FAM184B: variants seen among roughly 807,000 people sequenced by gnomAD.
FAM184B encodes protein FAM184B.
Under a neutral mutation model 135.9 loss-of-function variants are expected in FAM184B, and 111 were observed. That is an observed-to-expected ratio of 0.82 (90% confidence interval 0.70 to 0.96). The LOEUF is 0.96. Among genes scored for constraint, FAM184B ranks in the 40% least tolerant of loss-of-function variants. The probability of loss-of-function intolerance (pLI) is 0.00; values close to 1 mark genes in which losing one functional copy is unlikely to be tolerated. For synonymous variants in FAM184B, 552 were observed against 524.8 expected (o/e 1.05, Z -0.71); for missense variants, 1,375 against 1,323.9 (o/e 1.04, Z -0.60).
chr4:17,763,667 A>G (rs1203877054), intron 1 of FAM184B, among the ~76,000 whole-genome samples: 1 of 152,122 alleles, frequency 6.6e-6, no homozygotes, highest in African/African-American at 2.4e-5. Context: ...CATTTTTTCC[A>G]GCCCACAGCC....
intron 14 of FAM184B, among the ~76,000 whole-genome samples, chr4:17,637,393 T>C (rs1225515404): frequency 6.6e-6 from 1 of 152,074 alleles, no homozygotes; most frequent in African/African-American, 2.4e-5. Context: ...GGGCTGGGGG[T>C]GCAGATAATC....
At chr4:17,757,484 A>G (rs1718448473) in intron 1 of FAM184B, among the ~76,000 whole-genome samples, 1 of 152,222 alleles carries the variant, frequency 6.6e-6, no homozygotes, top group South Asian at 2.1e-4. Context: ...AGTAGGATTT[A>G]GCATTAATTT....
At chr4:17,756,129 G>A (rs963994834) in intron 1 of FAM184B, among the ~76,000 whole-genome samples, 3 of 152,054 alleles carry the variant, frequency 2.0e-5, no homozygotes, top group Admixed American at 1.3e-4. Context: ...TGTATAAATT[G>A]GGGGTCTCTA....
chr4:17,641,740 C>T (rs1420378712), intron 13 of FAM184B, among the ~76,000 whole-genome samples: 4 of 144,798 alleles, frequency 2.8e-5, no homozygotes, highest in African/African-American at 1.0e-4. Flanking sequence ...CCTCGTGATG[C>T]GCCCGCCTCT....
intron 11 of FAM184B, among the ~76,000 whole-genome samples, chr4:17,649,768 T>A (rs974226753): frequency 2.6e-5 from 4 of 152,006 alleles, no homozygotes; most frequent in Non-Finnish European, 4.4e-5. Context: ...TTCTTTACCC[T>A]CCTCTCTCAT....
In FAM184B at chr4:17,632,643, T is replaced by G. The variant is rs1308773788; in HGVS notation, c.3090-18A>C. 1 of 1,079,778 alleles carries G rather than the reference T, an allele frequency of 9.3e-7. No homozygotes were observed. The highest frequency in any genetic ancestry group is 2.9e-5 in the East Asian group (1 of 33,912). The allele number at this position is 1,079,778 out of a possible 1,614,324, so 66.9% of individuals were successfully genotyped here. A position where few individuals can be genotyped will look rare whatever the true frequency, so the allele number is the denominator to read the frequency against. On this transcript the variant is annotated intron_variant, in intron 17 of 17. Coordinates refer to ENST00000265018, the MANE Select transcript of FAM184B (RefSeq NM_015688.2). ...CTGGGGTCCTAAAAGCAAAAAAAGG[T>G]TTTTTTATATGGTTTTGAAAACTAT...
chr4:17,686,516 A>G (rs944897297), intron 7 of FAM184B, among the ~76,000 whole-genome samples: 1 of 152,192 alleles, frequency 6.6e-6, no homozygotes, highest in Non-Finnish European at 1.5e-5. Context: ...GCTCTTATGG[A>G]GAGAGGAGGG....
In FAM184B at chr4:17,781,125, G is replaced by A. The variant is rs1243411372; in HGVS notation, c.141+34C>T. 3.4e-6 allele frequency: 5 copies of A among 1,484,338 alleles called. No individual in the cohort carries two copies. In the African/African-American group the frequency reaches 5.7e-5, roughly 17 times the overall value. 91.9% of individuals were successfully genotyped at this position (1,484,338 alleles called of 1,614,324 possible). On this transcript the variant is annotated intron_variant, in intron 1 of 17. Coordinates refer to ENST00000265018, the MANE Select transcript of FAM184B (RefSeq NM_015688.2). The surrounding 1 kb of genome is among the most constrained non-coding windows in gnomAD (Gnocchi z 6.5). Reference sequence around the variant, plus strand: ...GACTCCCGGCTCGGGCGCCCCGGGCGTGCAGCTCGCTGGCCCGCTGCGCCC... The same window carrying A: ...GACTCCCGGCTCGGGCGCCCCGGGCATGCAGCTCGCTGGCCCGCTGCGCCC...
chr4:17,742,842 C>T lies in FAM184B; in HGVS notation c.142-33198G>A, dbSNP rs112067119. Among the ~76,000 whole-genome samples, 1,189 of 152,300 alleles carry T rather than the reference C, an allele frequency of 7.8e-3. 13 individuals are homozygous for T. The highest frequency in any genetic ancestry group is 0.027 in the African/African-American group (1,142 of 41,552). On this transcript the variant is annotated intron_variant, in intron 1 of 17. Transcript: ENST00000265018. ...TGGACACCAGACAAGAACCCAGGTG[C>T]CAAGAGGGCAAGAACCTGGGTGCCA... is the stretch of plus-strand genomic sequence containing the variant.
intron 1 of FAM184B, among the ~76,000 whole-genome samples, chr4:17,730,156 A>T: frequency 6.6e-6 from 1 of 152,360 alleles, no homozygotes; most frequent in African/African-American, 2.4e-5. Flanking sequence ...ACTGGAAGAA[A>T]GGGTATCAGT....
intron 10 of FAM184B, among the ~76,000 whole-genome samples, chr4:17,654,314 G>T (rs184125718): frequency 3.3e-5 from 5 of 151,770 alleles, no homozygotes; most frequent in Admixed American, 3.3e-4. Context: ...CACAGAAAAA[G>T]ATATGGAAAT....
intron 13 of FAM184B, among the ~76,000 whole-genome samples, chr4:17,641,332 TAAG>T (rs1339495845): frequency 6.6e-6 from 1 of 151,984 alleles, no homozygotes; most frequent in South Asian, 2.1e-4. Context: ...CACAGCTAGT[TAAG>T]AAGACACCGC....
chr4:17,735,360 A>G (rs1717883694), intron 1 of FAM184B, among the ~76,000 whole-genome samples: 1 of 152,140 alleles, frequency 6.6e-6, no homozygotes, highest in African/African-American at 2.4e-5. Flanking sequence ...AATTAAAAAA[A>G]GAAAGTTCGA....
intron 1 of FAM184B, among the ~76,000 whole-genome samples, chr4:17,763,676 C>T (rs1435558864): frequency 6.6e-6 from 1 of 152,114 alleles, no homozygotes; most frequent in Non-Finnish European, 1.5e-5. Flanking sequence ...CAGCCCACAG[C>T]CCTAATGGAC....
At chr4:17,640,201 G>A (rs866130877) in intron 13 of FAM184B, among the ~76,000 whole-genome samples, 13 of 151,532 alleles carry the variant, frequency 8.6e-5, no homozygotes, top group South Asian at 4.2e-4. Flanking sequence ...GGCTGGGTGC[G>A]GTGGCTCACA....
chr4:17,709,271 G>A lies in FAM184B; in HGVS notation c.515C>T (p.Pro172Leu). ...GCTCTCCTGGGGCAGCCGGCCCTGCGGGGTAGCCTCGTGGCTCGTCAGGTG... is the reference window on the plus strand; with the variant it reads ...GCTCTCCTGGGGCAGCCGGCCCTGCAGGGTAGCCTCGTGGCTCGTCAGGTG... The part of the protein sequence containing the change: ...LQHLTSHEAT[P>L]QGRLPQESPE... Residue 172 changes from proline to leucine, a missense_variant, in exon 2 of 18, where the codon CCG (proline) becomes CTG (leucine). Transcript: ENST00000265018. The A allele has an allele frequency of 6.5e-7, 1 of 1,548,148 alleles. No homozygotes were observed. The highest frequency in any genetic ancestry group is 8.7e-7 in the Non-Finnish European group (1 of 1,145,188).
At chr4:17,726,493 T>A (rs139860119) in intron 1 of FAM184B, among the ~76,000 whole-genome samples, 39 of 152,246 alleles carry the variant, frequency 2.6e-4, no homozygotes, top group African/African-American at 8.4e-4. Context: ...TGCCTCAGCC[T>A]CCTGAGTAGC....
chr4:17,643,428 A>G (rs953959615), intron 12 of FAM184B, among the ~76,000 whole-genome samples: 8 of 152,098 alleles, frequency 5.3e-5, no homozygotes, highest in African/African-American at 1.9e-4. Flanking sequence ...GGCAAAGGTG[A>G]GGGCTGGTGC....
intron 7 of FAM184B, among the ~76,000 whole-genome samples, chr4:17,688,137 T>C (rs1716632992): frequency 6.6e-6 from 1 of 152,106 alleles, no homozygotes; most frequent in Admixed American, 6.6e-5. Context: ...TCGAGTTGAG[T>C]GCGCCCTTTA....
Sources: gnomAD v4.1 joint callset for allele counts (sites outside exome capture counted in the v4.1 genomes callset) on GRCh38, gnomAD v4.1.1 for gene constraint, Gnocchi (gnomAD v3.1) non-coding constraint, MANE v1.5 for transcripts, NCBI Gene and HGNC (gene_info 2026-07-23, HGNC 2026-07-21) for gene names.